The following VPS8 variants were observed in gnomAD, a reference collection of about 807,000 sequenced individuals.
VPS8 encodes the protein VPS8 subunit of CORVET complex, also known as vacuolar protein sorting-associated protein 8 homolog.
VPS8 carries 129 observed loss-of-function variants against 216.4 expected under a neutral mutation model. The observed-to-expected ratio is 0.60, with a 90% confidence interval of 0.52 to 0.69. The LOEUF is 0.69. Ranked by LOEUF, VPS8 falls within the 30% of genes least tolerant of loss-of-function variation. The pLI, the probability that VPS8 is intolerant of heterozygous loss-of-function variation, is 0.00. For synonymous variants in VPS8, 571 were observed against 565.4 expected, an observed-to-expected ratio of 1.01 and a Z score of -0.14; for missense variants, 1,531 against 1,683.5, an observed-to-expected ratio of 0.91 and a Z score of 1.59.
intron 22 of VPS8, chr3:184,893,363 A>T: frequency 4.1e-6 from 5 of 1,219,648 alleles, no homozygotes; most frequent in Non-Finnish European, 5.3e-6. Flanking sequence ...TTGACATGAT[A>T]TACATATAAA....
At chr3:184,868,922 G>C (rs1371942314) in intron 18 of VPS8, 24 bp from the exon 19 acceptor site, 3 of 1,585,518 alleles carry the variant, frequency 1.9e-6, no homozygotes. Flanking sequence ...AAGGGGCCTG[G>C]TTTCTCTCAT....
At chr3:184,982,915 G>T in intron 41 of VPS8, 97 bp from the exon 42 acceptor site, 1 of 1,112,716 alleles carries the variant, frequency 9.0e-7, no homozygotes, top group South Asian at 2.1e-5. Flanking sequence ...AAGTTTCTAA[G>T]AAGCTATATA....
chr3:185,026,416 T>C (rs1005514542), intron 46 of VPS8, among the ~76,000 whole-genome samples: 3 of 149,666 alleles, frequency 2.0e-5, no homozygotes, highest in Non-Finnish European at 3.0e-5. Context: ...ATTTCTTTTT[T>C]TTTTTTTTTT....
At chr3:184,852,785 G>C (rs1327061768) in intron 11 of VPS8, among the ~76,000 whole-genome samples, 1 of 152,130 alleles carries the variant, frequency 6.6e-6, no homozygotes, top group African/African-American at 2.4e-5. Context: ...TGAGATTCTA[G>C]ACTCCTACTC....
intron 30 of VPS8, among the ~76,000 whole-genome samples, chr3:184,925,928 C>A (rs971433029): frequency 1.3e-5 from 2 of 151,410 alleles, no homozygotes; most frequent in South Asian, 4.2e-4. Context: ...CACATACCAC[C>A]ACGCCCGGCT....
chr3:184,813,696 G>C (rs1236199647), intron 1 of VPS8: 17 of 152,142 alleles, frequency 1.1e-4, no homozygotes. Flanking sequence ...TAATATATTT[G>C]CTTCGTATCT....
chr3:184,993,051 A>G (rs1752118064), intron 42 of VPS8, among the ~76,000 whole-genome samples: 2 of 152,208 alleles, frequency 1.3e-5, no homozygotes, highest in African/African-American at 4.8e-5. Flanking sequence ...ATATTTTCAC[A>G]TGATTTATAT....
At chr3:184,938,179 A>G (rs925289021) in intron 35 of VPS8, among the ~76,000 whole-genome samples, 2 of 152,164 alleles carry the variant, frequency 1.3e-5, no homozygotes, top group African/African-American at 4.8e-5. Flanking sequence ...GGATCTGGAA[A>G]TCAGTTGAAT....
chr3:184,920,242 TAA>T, intron 29 of VPS8, 44 bp downstream of exon 29: 5 of 1,279,704 alleles, frequency 3.9e-6, no homozygotes, highest in Non-Finnish European at 4.2e-6. Context: ...ATATTTATAT[TAA>T]GATAGTTGAG....
chr3:184,902,346 G>A (rs1734675856), intron 25 of VPS8, among the ~76,000 whole-genome samples: 1 of 149,624 alleles, frequency 6.7e-6, no homozygotes, highest in African/African-American at 2.5e-5. Context: ...TGTGGTGGTG[G>A]GTGCCTGTAG....
intron 47 of VPS8, among the ~76,000 whole-genome samples, chr3:185,050,789 C>G (rs13082088): frequency 0.48 from 72,192 of 151,924 alleles, 17,440 homozygotes; most frequent in East Asian, 0.67. Flanking sequence ...CTGATGGCCC[C>G]CTCGTCTCAG....
rs768349072 is a variant in VPS8 at position 184,855,830 on chromosome 3, T to C, written c.1143+12T>C. The C allele has an allele frequency of 1.1e-5, 17 of 1,584,290 alleles. No individual in the cohort carries two copies. In the African/African-American group the frequency reaches 1.8e-4, roughly 17 times the overall value. On this transcript the variant is annotated intron_variant, in intron 14 of 47. Coordinates refer to ENST00000625842, the MANE Select transcript of VPS8 (RefSeq NM_001009921.3). ...TTCATTTTCTATTGGTAAGTCCTAATATGACCATTAGAAAGCCTCTTACAA... is the reference window on the plus strand; with the variant it reads ...TTCATTTTCTATTGGTAAGTCCTAACATGACCATTAGAAAGCCTCTTACAA...
chr3:185,005,896 T>G (rs570352982), intron 45 of VPS8, among the ~76,000 whole-genome samples: 1 of 152,284 alleles, frequency 6.6e-6, no homozygotes, highest in East Asian at 1.9e-4. Flanking sequence ...TATTTCTTTC[T>G]CTTGTCTGAT....
chr3:184,985,512 T>C (rs1297106541), intron 42 of VPS8, among the ~76,000 whole-genome samples: 1 of 152,204 alleles, frequency 6.6e-6, no homozygotes, highest in Admixed American at 6.5e-5. Context: ...TCTATTCAAG[T>C]AATAGTGGCC....
At chr3:184,928,354 A>T (rs1740054247) in intron 31 of VPS8, 97 bp from the exon 32 acceptor site, 2 of 1,152,606 alleles carry the variant, frequency 1.7e-6, no homozygotes, top group Non-Finnish European at 2.4e-6. Flanking sequence ...AGAATACAAA[A>T]GAAAAAAATT....
At chr3:184,998,917 T>C (rs904408778) in intron 44 of VPS8, among the ~76,000 whole-genome samples, 1 of 152,126 alleles carries the variant, frequency 6.6e-6, no homozygotes, top group Non-Finnish European at 1.5e-5. Context: ...AGTCTCATTC[T>C]GTCTCCTAGG....
At chr3:184,943,626 T>A (rs1743127907) in intron 36 of VPS8, among the ~76,000 whole-genome samples, 1 of 152,184 alleles carries the variant, frequency 6.6e-6, no homozygotes, top group Non-Finnish European at 1.5e-5. Flanking sequence ...ATTTTTAACC[T>A]CCAGGTTTTT....
At chr3:185,006,088 TTC>T (rs1754210586) in intron 45 of VPS8, among the ~76,000 whole-genome samples, 1 of 152,216 alleles carries the variant, frequency 6.6e-6, no homozygotes, top group Non-Finnish European at 1.5e-5. Context: ...AACAGGAAAC[TTC>T]AGTAAGATCA....
At chr3:184,959,198 G>A (rs1034772891) in intron 37 of VPS8, among the ~76,000 whole-genome samples, 2 of 152,138 alleles carry the variant, frequency 1.3e-5, no homozygotes, top group African/African-American at 2.4e-5. Context: ...AACCCTGTAA[G>A]CACACCATCT....
Sources: allele counts gnomAD v4.1 joint callset (sites outside exome capture counted in the v4.1 genomes callset), GRCh38; gene constraint gnomAD v4.1.1; transcripts MANE v1.5; gene names NCBI Gene and HGNC (gene_info 2026-07-23, HGNC 2026-07-21).